LRMDA: variants seen among roughly 807,000 people sequenced by gnomAD.
LRMDA encodes leucine rich melanocyte differentiation associated.
Under a neutral mutation model 29.8 loss-of-function variants are expected in LRMDA, and 18 were observed. The ratio of observed to expected loss-of-function variants is 0.60; its 90% CI spans 0.42 to 0.90. The LOEUF is 0.90. LRMDA is among the 40% of genes least tolerant of loss of function. LRMDA has a pLI of 0.00. For synonymous variants in LRMDA, 125 were observed against 109.4 expected (o/e 1.14, Z -0.89); for missense variants, 273 against 273.9 (o/e 1.00, Z 0.02).
intron 2 of LRMDA, among the ~76,000 whole-genome samples, chr10:75,445,310 A>G (rs1467793462): frequency 6.6e-6 from 1 of 151,666 alleles, no homozygotes; most frequent in Non-Finnish European, 1.5e-5. Context: ...TTTTTTTTCC[A>G]AATTTCTACT....
chr10:75,544,844 C>G (rs145756099), intron 2 of LRMDA, among the ~76,000 whole-genome samples: 6 of 152,188 alleles, frequency 3.9e-5, no homozygotes, highest in Non-Finnish European at 7.4e-5. Flanking sequence ...TCCTTTTGAT[C>G]GTAGTGTTAT....
chr10:76,515,533 T>G (rs1422174214), intron 6 of LRMDA, among the ~76,000 whole-genome samples: 1 of 151,960 alleles, frequency 6.6e-6, no homozygotes, highest in Non-Finnish European at 1.5e-5. Flanking sequence ...TGAGACAGGG[T>G]TTCACTCTGT....
chr10:75,937,543 G>A lies in LRMDA; in HGVS notation c.132-98465G>A, dbSNP rs577756314. ...GTGTTTGAAAGCAACACTGCCCCCC[G>A]TAACTCAAGCATGTGCACCATCGAG... On this transcript the variant is annotated intron_variant, in intron 2 of 6. Transcript: ENST00000611255. Among the ~76,000 whole-genome samples, 23 of 152,268 alleles carry A rather than the reference G, an allele frequency of 1.5e-4. No homozygotes were observed. The East Asian group carries it at 2.5e-3, about 17-fold the overall frequency.
chr10:76,381,069 C>G (rs536804513), intron 6 of LRMDA, among the ~76,000 whole-genome samples: 2 of 107,926 alleles, frequency 1.9e-5, no homozygotes, highest in South Asian at 5.7e-4. Context: ...CTAGGTTACT[C>G]TAATGGTCAC....
intron 5 of LRMDA, among the ~76,000 whole-genome samples, chr10:76,213,132 T>TA (rs1270001572): frequency 6.6e-6 from 1 of 152,260 alleles, no homozygotes; most frequent in African/African-American, 2.4e-5. Flanking sequence ...AGTCTTTAGT[T>TA]ACAGCCACAC....
At chr10:75,495,162 A>G (rs1845029409) in intron 2 of LRMDA, among the ~76,000 whole-genome samples, 1 of 152,044 alleles carries the variant, frequency 6.6e-6, no homozygotes, top group African/African-American at 2.4e-5. Flanking sequence ...GGGAGAATGG[A>G]TATTGGGGTA....
At chr10:76,305,747 T>A (rs533304607) in intron 5 of LRMDA, among the ~76,000 whole-genome samples, 4 of 152,320 alleles carry the variant, frequency 2.6e-5, no homozygotes, top group Non-Finnish European at 4.4e-5. Context: ...GTCTGGAATC[T>A]CTCAAGGAAA....
chr10:75,504,528 T>C (rs1845149938), intron 2 of LRMDA, among the ~76,000 whole-genome samples: 1 of 152,132 alleles, frequency 6.6e-6, no homozygotes, highest in African/African-American at 2.4e-5. Flanking sequence ...AATGGAGATA[T>C]TGTAAGACAG....
chr10:76,061,459 A>G (rs1455145268), intron 5 of LRMDA, among the ~76,000 whole-genome samples: 1 of 152,078 alleles, frequency 6.6e-6, no homozygotes. Flanking sequence ...CTCTACAACA[A>G]ACCCCCGTGA....
chr10:75,990,037 G>A (rs1364202332), intron 2 of LRMDA, among the ~76,000 whole-genome samples: 1 of 152,082 alleles, frequency 6.6e-6, no homozygotes, highest in Admixed American at 6.5e-5. Flanking sequence ...TACAATAACT[G>A]GTAAGAAGCT....
chr10:76,378,263 A>G (rs1482341496), intron 6 of LRMDA, among the ~76,000 whole-genome samples: 1 of 152,166 alleles, frequency 6.6e-6, no homozygotes, highest in African/African-American at 2.4e-5. Context: ...GAAGTCAGTT[A>G]TCAAATCTAG....
In LRMDA at chr10:75,653,403, C is replaced by T. The variant is rs189928363; in HGVS notation, c.131+214909C>T. ...AAGGAAAAGTCAAAATTTTCAGTTC[C>T]TGTCCCCTTCTTGTTTAGGTAGAGG... On this transcript the variant is annotated intron_variant, in intron 2 of 6. Coordinates refer to ENST00000611255, the MANE Select transcript of LRMDA (RefSeq NM_001305581.2). 7.7e-3 allele frequency among the ~76,000 whole-genome samples: 1,171 copies of T among 152,246 alleles called. 46 individuals carry two copies. Among genetic ancestry groups the T allele is most frequent in the South Asian group, 6.0e-3 (29 of 4,826 alleles).
At chr10:76,043,014 G>T (rs1254874727) in intron 3 of LRMDA, among the ~76,000 whole-genome samples, 1 of 152,024 alleles carries the variant, frequency 6.6e-6, no homozygotes, top group Non-Finnish European at 1.5e-5. Context: ...GAGGCAGGTG[G>T]ATCTCCTGAG....
chr10:76,117,429 A>T (rs1468209932), intron 5 of LRMDA, among the ~76,000 whole-genome samples: 1 of 152,242 alleles, frequency 6.6e-6, no homozygotes, highest in Non-Finnish European at 1.5e-5. Flanking sequence ...AGTACAAAGG[A>T]TACTAAAATC....
chr10:76,547,958 A>G (rs577895113), intron 6 of LRMDA, among the ~76,000 whole-genome samples: 2 of 152,190 alleles, frequency 1.3e-5, no homozygotes, highest in African/African-American at 4.8e-5. Flanking sequence ...GTTTCTCTCT[A>G]AGAAAAAGCA....
intron 2 of LRMDA, among the ~76,000 whole-genome samples, chr10:75,612,009 A>G (rs1449821440): frequency 6.6e-6 from 1 of 152,232 alleles, no homozygotes; most frequent in East Asian, 1.9e-4. Context: ...GATTTGCCCC[A>G]GACTGGGACC....
chr10:75,772,665 G>A (rs1193400948), intron 2 of LRMDA, among the ~76,000 whole-genome samples: 2 of 152,124 alleles, frequency 1.3e-5, no homozygotes, highest in East Asian at 3.9e-4. Flanking sequence ...GGGTAATGAG[G>A]TTCTTCCCTA....
intron 5 of LRMDA, among the ~76,000 whole-genome samples, chr10:76,309,178 G>A (rs914283674): frequency 3.9e-5 from 6 of 152,202 alleles, no homozygotes; most frequent in Non-Finnish European, 8.8e-5. Flanking sequence ...AATGGGCGGG[G>A]ACTCTGAATT....
At chr10:76,261,765 T>C (rs1206611470) in intron 5 of LRMDA, among the ~76,000 whole-genome samples, 1 of 152,228 alleles carries the variant, frequency 6.6e-6, no homozygotes, top group Non-Finnish European at 1.5e-5. Flanking sequence ...TTTATATACA[T>C]ACTTACAAAG....
Sources: allele counts gnomAD v4.1 joint callset (sites outside exome capture counted in the v4.1 genomes callset), GRCh38; gene constraint gnomAD v4.1.1; transcripts MANE v1.5; gene names NCBI Gene and HGNC (gene_info 2026-07-23, HGNC 2026-07-21).